RHBDD1: variants seen among roughly 807,000 people sequenced by gnomAD.
RHBDD1 encodes rhomboid domain containing 1.
A neutral mutation model predicts 36.3 loss-of-function variants in RHBDD1; 38 were observed. The ratio of observed to expected loss-of-function variants is 1.05; its 90% CI spans 0.81 to 1.37. RHBDD1 has a LOEUF of 1.37. Ranked by LOEUF, RHBDD1 falls within the 40% of genes most tolerant of loss-of-function variation. RHBDD1 has a pLI of 0.00. For missense variants in RHBDD1, 393 were observed against 377.6 expected (o/e 1.04, Z -0.34); for synonymous variants, 151 against 136.5 (o/e 1.11, Z -0.74).
intron 8 of RHBDD1, among the ~76,000 whole-genome samples, chr2:226,982,788 A>T (rs1428798891): frequency 6.6e-6 from 1 of 152,182 alleles, no homozygotes; most frequent in Non-Finnish European, 1.5e-5. Context: ...TTTATGATGC[A>T]CCCACTATGT....
At chr2:226,940,786 T>G (rs1470904108) in intron 8 of RHBDD1, among the ~76,000 whole-genome samples, 4 of 152,088 alleles carry the variant, frequency 2.6e-5, no homozygotes, top group African/African-American at 9.7e-5. Context: ...TAATTCTCTG[T>G]CACAGTATAC....
Position 226,996,641 on chromosome 2 carries a change from A to T in RHBDD1, c.*1119A>T, listed in dbSNP as rs190508675. The T allele has an allele frequency of 2.4e-4, 37 of 152,362 alleles. 1 individual carries two copies. The highest frequency in any genetic ancestry group is 2.1e-3 in the Admixed American group (32 of 15,312). 9.4% of individuals were successfully genotyped at this position (152,362 alleles called of 1,614,324 possible). Reference sequence around the variant, plus strand: ...AGTTTTCTGATTATGCACATAATAGATATGCCTTCCAGATGCATAAGGCAA... The same window carrying T: ...AGTTTTCTGATTATGCACATAATAGTTATGCCTTCCAGATGCATAAGGCAA... On this transcript the variant is annotated 3_prime_UTR_variant, in exon 9 of 9. Coordinates refer to ENST00000392062, the MANE Select transcript of RHBDD1 (RefSeq NM_001167608.3).
At chr2:226,987,493 C>A (rs980430807) in intron 8 of RHBDD1, among the ~76,000 whole-genome samples, 2 of 152,242 alleles carry the variant, frequency 1.3e-5, no homozygotes, top group African/African-American at 4.8e-5. Context: ...TCCAGAGAAG[C>A]TGCTCAGGCA....
intron 3 of RHBDD1, among the ~76,000 whole-genome samples, chr2:226,845,201 A>G (rs1942092223): frequency 1.3e-5 from 2 of 152,238 alleles, no homozygotes; most frequent in Admixed American, 1.3e-4. Context: ...ATTTAATCAC[A>G]CTATGCAGTT....
At chr2:226,877,746 C>T (rs879691028) in intron 5 of RHBDD1, among the ~76,000 whole-genome samples, 2 of 152,086 alleles carry the variant, frequency 1.3e-5, no homozygotes, top group Admixed American at 6.5e-5. Context: ...CACATTTCAT[C>T]ACACGGTGTA....
chr2:226,878,905 G>T lies in RHBDD1; in HGVS notation c.566+11587G>T, dbSNP rs369496722. ...TCGGGGAGAGTAGAGTGAAAAGAAG[G>T]GAGTGAAAGAGTCTTGGGGACAGAT... On this transcript the variant is annotated intron_variant, in intron 5 of 8. Coordinates refer to ENST00000392062, the MANE Select transcript of RHBDD1 (RefSeq NM_001167608.3). 3.3e-5 allele frequency among the ~76,000 whole-genome samples: 5 copies of T among 152,200 alleles called. No homozygotes were observed. The East Asian group carries it at 9.7e-4, about 29-fold the overall frequency.
At chr2:226,962,213 A>G (rs1290946983) in intron 8 of RHBDD1, among the ~76,000 whole-genome samples, 1 of 152,256 alleles carries the variant, frequency 6.6e-6, no homozygotes, top group East Asian at 1.9e-4. Context: ...TAAGCAAGAA[A>G]GAAAAAATAG....
intron 8 of RHBDD1, among the ~76,000 whole-genome samples, chr2:226,974,039 C>T (rs983456175): frequency 3.3e-5 from 5 of 152,148 alleles, no homozygotes; most frequent in Non-Finnish European, 7.4e-5. Context: ...CCTCCTTACC[C>T]AGTTTGTCAG....
At chr2:226,970,603 C>G (rs1448604354) in intron 8 of RHBDD1, among the ~76,000 whole-genome samples, 3 of 152,212 alleles carry the variant, frequency 2.0e-5, no homozygotes, top group Non-Finnish European at 4.4e-5. Context: ...AGGTGTGTAG[C>G]ATCAAACATA....
At chr2:226,955,421 G>A (rs988009727) in intron 8 of RHBDD1, among the ~76,000 whole-genome samples, 3 of 152,222 alleles carry the variant, frequency 2.0e-5, no homozygotes, top group Non-Finnish European at 4.4e-5. Context: ...TCTGAATGTT[G>A]TTTTGATGTT....
the RHBDD1 span, among the ~76,000 whole-genome samples, chr2:226,822,638 A>G: frequency 6.6e-6 from 1 of 151,664 alleles, no homozygotes; most frequent in Non-Finnish European, 1.5e-5. Context: ...TGTCTCAAAA[A>G]AAAAAAAAAA....
chr2:226,853,672 T>C (rs567146584), intron 3 of RHBDD1, among the ~76,000 whole-genome samples: 5 of 152,364 alleles, frequency 3.3e-5, no homozygotes, highest in Admixed American at 3.3e-4. Flanking sequence ...GAAGGACTTT[T>C]ACTAAATTGG....
intron 8 of RHBDD1, among the ~76,000 whole-genome samples, chr2:226,946,618 A>C (rs996969293): frequency 1.3e-5 from 2 of 152,220 alleles, no homozygotes; most frequent in African/African-American, 4.8e-5. Flanking sequence ...GAAAAGAGAG[A>C]AGAATCAAAT....
intron 5 of RHBDD1, among the ~76,000 whole-genome samples, chr2:226,881,143 C>G (rs533241059): frequency 6.6e-6 from 1 of 152,222 alleles, no homozygotes; most frequent in South Asian, 2.1e-4. Flanking sequence ...TATGAAACCA[C>G]CAGATCTCCT....
chr2:226,952,720 C>T (rs935943625), intron 8 of RHBDD1, among the ~76,000 whole-genome samples: 1 of 152,176 alleles, frequency 6.6e-6, no homozygotes, highest in Admixed American at 6.5e-5. Flanking sequence ...ATAGCTTCTT[C>T]CCCTCCCCAA....
intron 8 of RHBDD1, among the ~76,000 whole-genome samples, chr2:226,930,351 C>T (rs1381307637): frequency 6.6e-6 from 1 of 151,986 alleles, no homozygotes; most frequent in Admixed American, 6.6e-5. Context: ...AGAAATAAAG[C>T]CAAATACTTA....
At chr2:226,900,650 T>C (rs931738572) in intron 5 of RHBDD1, among the ~76,000 whole-genome samples, 6 of 152,172 alleles carry the variant, frequency 3.9e-5, no homozygotes, top group African/African-American at 1.2e-4. Flanking sequence ...GTTCAGTCAT[T>C]ATCTATACCA....
At chr2:226,801,315 T>C in the RHBDD1 span, among the ~76,000 whole-genome samples, 1 of 152,068 alleles carries the variant, frequency 6.6e-6, no homozygotes, top group African/African-American at 2.4e-5. Flanking sequence ...AGCCTTGCAC[T>C]GCAGAGGGAA....
the RHBDD1 span, among the ~76,000 whole-genome samples, chr2:226,806,643 A>C: frequency 6.6e-6 from 1 of 152,154 alleles, no homozygotes; most frequent in Non-Finnish European, 1.5e-5. Context: ...GCACACACAC[A>C]CTCAGACTCA....
Sources: gnomAD v4.1 joint callset for allele counts (sites outside exome capture counted in the v4.1 genomes callset) on GRCh38, gnomAD v4.1.1 for gene constraint, MANE v1.5 for transcripts, NCBI Gene and HGNC (gene_info 2026-07-23, HGNC 2026-07-21) for gene names.